ERAP1: variants seen among roughly 807,000 people sequenced by gnomAD.
The protein encoded by ERAP1 is adipocyte-derived leucine aminopeptidase.
A neutral mutation model predicts 103.7 loss-of-function variants in ERAP1; 86 were observed. That is an observed-to-expected ratio of 0.83 (90% CI 0.70 to 0.99). ERAP1 has a LOEUF of 0.99. ERAP1 is among the 50% of genes least tolerant of loss of function. The pLI, the probability that ERAP1 is intolerant of heterozygous loss-of-function variation, is 0.00. For synonymous variants in ERAP1, 398 were observed against 402.4 expected, an observed-to-expected ratio of 0.99 and a Z score of 0.13; for missense variants, 1,009 against 1,128.4, an observed-to-expected ratio of 0.89 and a Z score of 1.52.
chr5:96,812,747 C>T (rs561012420), upstream of ERAP1, among the ~76,000 whole-genome samples: 14 of 152,170 alleles, frequency 9.2e-5, no homozygotes, highest in East Asian at 5.8e-4. Flanking sequence ...AGGAAAGAAA[C>T]GAATAACTTT....
At chr5:96,875,482 G>C in the ERAP1 span, among the ~76,000 whole-genome samples, 1 of 151,462 alleles carries the variant, frequency 6.6e-6, no homozygotes, top group Admixed American at 6.6e-5. Context: ...GCTGCAGTGA[G>C]CTGGGATGGC....
upstream of ERAP1, chr5:96,808,311 G>C (rs1351103280): frequency 1.5e-6 from 1 of 661,184 alleles, no homozygotes; most frequent in Non-Finnish European, 1.9e-6. Context: ...GTTTAGCGTT[G>C]CGAGGGTTAG....
chr5:96,833,132 C>G, the ERAP1 span, among the ~76,000 whole-genome samples: 1 of 152,288 alleles, frequency 6.6e-6, no homozygotes, highest in Non-Finnish European at 1.5e-5. Flanking sequence ...ATAAGCCACC[C>G]AAAATACGCT....
the ERAP1 span, among the ~76,000 whole-genome samples, chr5:96,828,764 G>T: frequency 3.3e-5 from 5 of 152,014 alleles, no homozygotes; most frequent in Non-Finnish European, 4.4e-5. Context: ...TCTGGAGAAG[G>T]TCAGAAAAAA....
the ERAP1 span, among the ~76,000 whole-genome samples, chr5:96,837,686 T>C: frequency 6.6e-6 from 1 of 152,220 alleles, no homozygotes; most frequent in Non-Finnish European, 1.5e-5. Context: ...AGTGGACGGC[T>C]TAAGTGTTAA....
At chr5:96,930,278 G>C in the ERAP1 span, among the ~76,000 whole-genome samples, 1 of 152,128 alleles carries the variant, frequency 6.6e-6, no homozygotes, top group African/African-American at 2.4e-5. Context: ...CACAGTAAGA[G>C]TTTTCATGTC....
At chr5:96,904,460 G>A in the ERAP1 span, among the ~76,000 whole-genome samples, 7 of 152,112 alleles carry the variant, frequency 4.6e-5, no homozygotes, top group African/African-American at 9.7e-5. Context: ...AAAGTTTCTC[G>A]GTACACTAAA....
At chr5:96,840,582 G>A in the ERAP1 span, among the ~76,000 whole-genome samples, 24 of 152,220 alleles carry the variant, frequency 1.6e-4, no homozygotes, top group Non-Finnish European at 2.8e-4. Context: ...ATGTTAACTC[G>A]TAATCTCAGT....
At chr5:96,825,683 A>T in the ERAP1 span, among the ~76,000 whole-genome samples, 2 of 152,324 alleles carry the variant, frequency 1.3e-5, no homozygotes, top group African/African-American at 4.8e-5. Flanking sequence ...TCAATAGTTC[A>T]CTATAATCTA....
intron 3 of ERAP1, 141 bp downstream of exon 3, chr5:96,800,721 G>A (rs964388493): frequency 2.2e-6 from 2 of 909,812 alleles, no homozygotes; most frequent in African/African-American, 1.7e-5. Context: ...CAAAAGCATA[G>A]GTTATAAATG....
the ERAP1 span, among the ~76,000 whole-genome samples, chr5:96,916,056 A>G: frequency 6.6e-6 from 1 of 151,968 alleles, no homozygotes; most frequent in African/African-American, 2.4e-5. Context: ...CCCTGTCTCT[A>G]ATAAAAATAC....
At chr5:96,903,571 AT>A in the ERAP1 span, 1 of 1,584,642 alleles carries the variant, frequency 6.3e-7, no homozygotes, top group South Asian at 1.2e-5. Flanking sequence ...GTAAGGCAAC[AT>A]TTCCTCTGAC....
chr5:96,792,849 G>C (rs186761105), intron 7 of ERAP1, among the ~76,000 whole-genome samples: 1 of 152,248 alleles, frequency 6.6e-6, no homozygotes, highest in East Asian at 1.9e-4. Context: ...AGAATCATTG[G>C]AGTAGGATAA....
At chr5:96,786,850 T>G (rs1327693022) in intron 11 of ERAP1, 2 of 351,468 alleles carry the variant, frequency 5.7e-6, no homozygotes, top group African/African-American at 4.2e-5. Flanking sequence ...TCAGGACTCA[T>G]GTGCCTCCTG....
At chr5:96,848,389 C>T in the ERAP1 span, among the ~76,000 whole-genome samples, 1 of 152,110 alleles carries the variant, frequency 6.6e-6, no homozygotes, top group South Asian at 2.1e-4. Context: ...AACTGATAAA[C>T]TCTTAGCTGG....
At chr5:96,804,519 T>C (rs1305680316) in intron 1 of ERAP1, 1 of 157,704 alleles carries the variant, frequency 6.3e-6, no homozygotes, top group Non-Finnish European at 1.4e-5. Flanking sequence ...ATAACATCAG[T>C]GTCTTCCTCA....
the ERAP1 span, among the ~76,000 whole-genome samples, chr5:96,923,688 T>C: frequency 0.07 from 10,313 of 147,112 alleles, 426 homozygotes; most frequent in Middle Eastern, 0.15. Flanking sequence ...AGTGAGACTC[T>C]GTCTCAAAAA....
intron 2 of ERAP1, among the ~76,000 whole-genome samples, chr5:96,801,542 C>T (rs943855894): frequency 1.3e-5 from 2 of 151,572 alleles, no homozygotes; most frequent in African/African-American, 2.4e-5. Flanking sequence ...ACTTAATAGC[C>T]TTAACAGATA....
intron 18 of ERAP1, among the ~76,000 whole-genome samples, chr5:96,778,889 G>A (rs779374999): frequency 6.6e-6 from 1 of 152,170 alleles, no homozygotes; most frequent in Non-Finnish European, 1.5e-5. Flanking sequence ...AAAGGATTCA[G>A]GATGACTCCC....
Sources: gnomAD v4.1 joint callset for allele counts (sites outside exome capture counted in the v4.1 genomes callset) on GRCh38, gnomAD v4.1.1 for gene constraint, MANE v1.5 for transcripts, NCBI Gene and HGNC (gene_info 2026-07-23, HGNC 2026-07-21) for gene names.